PLXDC2: variants seen among roughly 807,000 people sequenced by gnomAD.
PLXDC2 encodes plexin domain containing 2.
In PLXDC2, 40 loss-of-function variants were observed where a neutral mutation model predicts 68.9. The ratio of observed to expected loss-of-function variants is 0.58; its 90% CI spans 0.45 to 0.76. The LOEUF is 0.76. PLXDC2 is among the 30% of genes least tolerant of loss of function. PLXDC2 has a pLI of 0.00. For synonymous variants in PLXDC2, 243 were observed against 234.2 expected (o/e 1.04, Z -0.34); for missense variants, 644 against 661.9 (o/e 0.97, Z 0.30).
At chr10:20,040,410 T>C (rs1835663019) in intron 2 of PLXDC2, among the ~76,000 whole-genome samples, 1 of 152,204 alleles carries the variant, frequency 6.6e-6, no homozygotes, top group South Asian at 2.1e-4. Flanking sequence ...CCATTTTTTG[T>C]ACATGTGACC....
At position 20,281,377 on chromosome 10, in the gene PLXDC2, T is replaced by A. The variant is rs1836080079; in HGVS notation, c.*1558T>A. ...ATTCTAACCCATGAAACTTTTACAC[T>A]CTGTGCCAAGAAACTGTTGGCTTTT... On this transcript the variant is annotated 3_prime_UTR_variant, in exon 14 of 14. Transcript: ENST00000377252. 6.6e-6 allele frequency: 1 copy of A among 152,162 alleles called. No individual in the cohort carries two copies. The highest frequency in any genetic ancestry group is 1.5e-5 in the Non-Finnish European group (1 of 68,012). The allele number at this position is 152,162 out of a possible 1,614,324, so 9.4% of individuals were successfully genotyped here. A position where few individuals can be genotyped will look rare whatever the true frequency, so the allele number is the denominator to read the frequency against.
chr10:20,128,781 C>G (rs1833826975), intron 4 of PLXDC2, among the ~76,000 whole-genome samples: 1 of 152,110 alleles, frequency 6.6e-6, no homozygotes, highest in Non-Finnish European at 1.5e-5. Context: ...AACATAATTT[C>G]TTCCAAGTTC....
At chr10:20,229,650 C>G in intron 12 of PLXDC2, among the ~76,000 whole-genome samples, 1 of 151,634 alleles carries the variant, frequency 6.6e-6, no homozygotes, top group Non-Finnish European at 1.5e-5. Flanking sequence ...TAATCTTCTT[C>G]GAAACAGCTA....
chr10:20,046,817 T>C (rs1564295072), intron 2 of PLXDC2, 52 bp from the exon 3 acceptor site: 2 of 1,517,796 alleles, frequency 1.3e-6, no homozygotes, highest in Non-Finnish European at 1.8e-6. Context: ...TTTTAAAGAA[T>C]TGTAGGTAAA....
intron 9 of PLXDC2, among the ~76,000 whole-genome samples, chr10:20,191,189 A>T (rs1834759732): frequency 1.3e-5 from 2 of 152,000 alleles, no homozygotes; most frequent in Non-Finnish European, 2.9e-5. Context: ...AATAAGATTT[A>T]TTGGTTGAAC....
intron 2 of PLXDC2, among the ~76,000 whole-genome samples, chr10:20,044,094 CCCTTCCTTCCTT>C (rs376988347): frequency 6.1e-5 from 2 of 32,826 alleles, no homozygotes; most frequent in Non-Finnish European, 1.7e-4. Flanking sequence ...TGGCTTTTTC[CCCTTCCTTCCTT>C]CCTTCCTTCC....
intron 4 of PLXDC2, among the ~76,000 whole-genome samples, chr10:20,103,335 A>G (rs1270433405): frequency 6.6e-6 from 1 of 152,224 alleles, no homozygotes; most frequent in Admixed American, 6.5e-5. Context: ...AGGCCCACAA[A>G]GGACTTCAAG....
At chr10:20,021,598 G>C (rs905472321) in intron 2 of PLXDC2, among the ~76,000 whole-genome samples, 29 of 151,996 alleles carry the variant, frequency 1.9e-4, no homozygotes, top group African/African-American at 6.8e-4. Context: ...TTGTCTTGCT[G>C]TGGTTTCTTC....
At chr10:20,198,465 G>T (rs1834871197) in intron 9 of PLXDC2, among the ~76,000 whole-genome samples, 1 of 151,616 alleles carries the variant, frequency 6.6e-6, no homozygotes, top group African/African-American at 2.4e-5. Context: ...TTTAATTTTT[G>T]TGGGTACATG....
chr10:19,971,684 A>G (rs1453853807), intron 1 of PLXDC2, among the ~76,000 whole-genome samples: 1 of 152,114 alleles, frequency 6.6e-6, no homozygotes, highest in Non-Finnish European at 1.5e-5. Context: ...TCTGCTTATC[A>G]TGTGTTTTTT....
In PLXDC2 at chr10:19,877,241, AGG is replaced by A. The variant is rs567665338; in HGVS notation, c.112+60052_112+60053del. ...GGGAGATAGAATGAGAAAGAGAGAG[AGG>A]GAGGGGAGAGAGGGAGAGAGAGAAT... On this transcript the variant is annotated intron_variant, in intron 1 of 13. Coordinates refer to ENST00000377252, the MANE Select transcript of PLXDC2 (RefSeq NM_032812.9). 2.3e-3 allele frequency among the ~76,000 whole-genome samples: 347 copies of A among 151,982 alleles called. 2 individuals are homozygous for A. The highest frequency in any genetic ancestry group is 8.1e-3 in the African/African-American group (336 of 41,450).
intron 4 of PLXDC2, among the ~76,000 whole-genome samples, chr10:20,125,943 T>TAATATTTACAATAATAC: frequency 6.7e-6 from 1 of 148,568 alleles, no homozygotes; most frequent in Non-Finnish European, 1.5e-5. Context: ...CATATATATA[T>TAATATTTACAATAATAC]ATATATATAA....
intron 1 of PLXDC2, among the ~76,000 whole-genome samples, chr10:19,921,450 G>A (rs1037206809): frequency 5.9e-5 from 9 of 152,268 alleles, no homozygotes; most frequent in Non-Finnish European, 8.8e-5. Context: ...GGAAAGCTAT[G>A]ACATTCACTT....
intron 2 of PLXDC2, among the ~76,000 whole-genome samples, chr10:20,021,374 T>C (rs1036695159): frequency 5.9e-5 from 9 of 152,082 alleles, no homozygotes; most frequent in African/African-American, 2.2e-4. Flanking sequence ...ATCATCTAGG[T>C]TTTCAGCCCC....
intron 5 of PLXDC2, among the ~76,000 whole-genome samples, chr10:20,146,464 TTCC>T (rs1834080372): frequency 6.8e-6 from 1 of 147,848 alleles, no homozygotes; most frequent in African/African-American, 2.5e-5. Flanking sequence ...CCTTCCTTCC[TTCC>T]TTTCTTTCTT....
At chr10:20,155,545 A>C (rs796677051) in intron 6 of PLXDC2, among the ~76,000 whole-genome samples, 12 of 152,332 alleles carry the variant, frequency 7.9e-5, no homozygotes, top group African/African-American at 2.4e-4. Flanking sequence ...AAAGCTCTCA[A>C]GAAATAATTC....
At chr10:20,076,685 G>T (rs1254067658) in intron 4 of PLXDC2, among the ~76,000 whole-genome samples, 5 of 152,090 alleles carry the variant, frequency 3.3e-5, no homozygotes, top group Admixed American at 6.6e-5. Context: ...GCATAGAAGG[G>T]GTCTCAAGGA....
chr10:19,897,371 C>G lies in PLXDC2; in HGVS notation c.112+80180C>G, dbSNP rs556299962. Among the ~76,000 whole-genome samples the G allele has an allele frequency of 1.2e-3, 189 of 152,236 alleles. 1 individual carries two copies. The highest frequency in any genetic ancestry group is 4.1e-3 in the African/African-American group (169 of 41,546). ...TCTCCTGCCTCAGCCTCCCCAGTAG[C>G]TGGGATTATAGGCATATGCCACCAT... is the stretch of plus-strand genomic sequence containing the variant. On this transcript the variant is annotated intron_variant, in intron 1 of 13. Transcript: ENST00000377252.
Position 19,946,854 on chromosome 10 carries a change from G to A in PLXDC2, c.113-54921G>A, listed in dbSNP as rs79545450. Among the ~76,000 whole-genome samples the A allele has an allele frequency of 7.7e-4, 117 of 152,116 alleles. 1 individual carries two copies. In the East Asian group the frequency reaches 0.02, roughly 27 times the overall value. ...GAGAATCAAGTGCCATCGCTGATCC[G>A]ACAGGAGGTGGAGCTCAGGCGGTAA... On this transcript the variant is annotated intron_variant, in intron 1 of 13. Transcript: ENST00000377252.
Sources: gnomAD v4.1 joint callset for allele counts (sites outside exome capture counted in the v4.1 genomes callset) on GRCh38, gnomAD v4.1.1 for gene constraint, MANE v1.5 for transcripts, NCBI Gene and HGNC (gene_info 2026-07-23, HGNC 2026-07-21) for gene names.